Variants in CSMD1 observed in about 807,000 individuals in gnomAD.
CSMD1 encodes CUB and Sushi multiple domains 1.
In CSMD1, 213 loss-of-function variants were observed where a neutral mutation model predicts 417.5. The observed-to-expected ratio is 0.51, with a 90% CI of 0.46 to 0.57. The LOEUF is 0.57. Ranked by LOEUF, CSMD1 falls within the 20% of genes least tolerant of loss-of-function variation. The probability of loss-of-function intolerance (pLI) is 0.00; values close to 1 mark genes in which losing one functional copy is unlikely to be tolerated. For missense variants in CSMD1, 6,923 were observed against 4,529.7 expected, an observed-to-expected ratio of 1.53 and a Z score of -15.17; for synonymous variants, 2,862 against 1,736.8, an observed-to-expected ratio of 1.65 and a Z score of -16.11.
intron 3 of CSMD1, among the ~76,000 whole-genome samples, chr8:4,135,085 A>C (rs1803335314): frequency 6.6e-6 from 1 of 152,140 alleles, no homozygotes; most frequent in Non-Finnish European, 1.5e-5. Flanking sequence ...GAATGAAAAA[A>C]AATTCTTCCA....
At chr8:3,129,484 A>G (rs1382960782) in intron 41 of CSMD1, among the ~76,000 whole-genome samples, 2 of 152,096 alleles carry the variant, frequency 1.3e-5, no homozygotes, top group East Asian at 1.9e-4. Context: ...ACAAAAAACT[A>G]TGGAGCTGGG....
At chr8:3,744,637 A>C (rs1312261018) in intron 6 of CSMD1, among the ~76,000 whole-genome samples, 2 of 152,224 alleles carry the variant, frequency 1.3e-5, no homozygotes, top group African/African-American at 4.8e-5. Context: ...GTAATGCTTC[A>C]AGTTCCAAAG....
At chr8:3,285,562 T>C (rs567738312) in intron 25 of CSMD1, among the ~76,000 whole-genome samples, 1 of 151,964 alleles carries the variant, frequency 6.6e-6, no homozygotes, top group East Asian at 1.9e-4. Flanking sequence ...ATTATTAGTA[T>C]TATTATTTGT....
intron 18 of CSMD1, among the ~76,000 whole-genome samples, chr8:3,377,310 C>A (rs749337078): frequency 6.6e-6 from 1 of 152,144 alleles, no homozygotes; most frequent in Non-Finnish European, 1.5e-5. Context: ...CCATGCCTGG[C>A]TTATTAATAG....
rs1563213930 is a variant in CSMD1, at chr8:2,992,195, AC to A, written c.8377+5815del. Among the ~76,000 whole-genome samples, 10 of 89,720 alleles carry A rather than the reference AC, an allele frequency of 1.1e-4. No homozygotes were observed. In the African/African-American group the frequency reaches 1.2e-3, roughly 11 times the overall value. 58.9% of individuals were successfully genotyped at this position (89,720 alleles called of 152,430 possible). A position where few individuals can be genotyped will look rare whatever the true frequency, so the allele number is the denominator to read the frequency against. On this transcript the variant is annotated intron_variant, in intron 54 of 69. Transcript: ENST00000635120. ...CACACACATGAACACACACATGCAC[AC>A]ATACATACACACATGCACACACACA...
chr8:3,455,691 A>G (rs1490481890), intron 12 of CSMD1, among the ~76,000 whole-genome samples: 2 of 152,216 alleles, frequency 1.3e-5, no homozygotes, highest in African/African-American at 4.8e-5. Flanking sequence ...TCAGAGGAGT[A>G]CCTGGCCATC....
intron 33 of CSMD1, among the ~76,000 whole-genome samples, chr8:3,192,107 A>G (rs1413365190): frequency 1.3e-5 from 2 of 152,184 alleles, no homozygotes; most frequent in Non-Finnish European, 2.9e-5. Context: ...ATTTTGATTA[A>G]ACGATGTTTC....
At chr8:4,578,715 G>A (rs113068074) in intron 2 of CSMD1, among the ~76,000 whole-genome samples, 2 of 149,248 alleles carry the variant, frequency 1.3e-5, no homozygotes, top group African/African-American at 2.5e-5. Flanking sequence ...TCAAGAGGCT[G>A]AGGCAAGATA....
chr8:3,015,279 T>G (rs1808739887), intron 52 of CSMD1, among the ~76,000 whole-genome samples: 1 of 152,312 alleles, frequency 6.6e-6, no homozygotes, highest in African/African-American at 2.4e-5. Flanking sequence ...TTGCATTCTC[T>G]TCAACATGTC....
chr8:3,166,079 T>C (rs1016616644), intron 37 of CSMD1, among the ~76,000 whole-genome samples: 1 of 152,008 alleles, frequency 6.6e-6, no homozygotes, highest in Non-Finnish European at 1.5e-5. Flanking sequence ...TGATAGGAAG[T>C]AGGCAGGGTG....
chr8:3,545,953 G>C (rs144729490), intron 10 of CSMD1, among the ~76,000 whole-genome samples: 2 of 152,168 alleles, frequency 1.3e-5, no homozygotes, highest in African/African-American at 4.8e-5. Context: ...GGAGAAACTG[G>C]AAAGGTTTAG....
At chr8:3,412,359 C>T (rs892485361) in intron 12 of CSMD1, among the ~76,000 whole-genome samples, 7 of 151,880 alleles carry the variant, frequency 4.6e-5, no homozygotes, top group Non-Finnish European at 8.8e-5. Flanking sequence ...TCAGTTTTGG[C>T]AATGTTTGTA....
chr8:4,602,578 C>A (rs1013437894), intron 2 of CSMD1, among the ~76,000 whole-genome samples: 3 of 152,204 alleles, frequency 2.0e-5, no homozygotes, highest in South Asian at 2.1e-4. Flanking sequence ...AACTCTTTAA[C>A]GTGCCTACAA....
chr8:3,556,415 T>TATATATATATATATACATA (rs1799148435), intron 10 of CSMD1, among the ~76,000 whole-genome samples: 2 of 57,102 alleles, frequency 3.5e-5, no homozygotes, highest in African/African-American at 1.2e-4. Flanking sequence ...ATATATATAT[T>TATATATATATATATACATA]CACACACACA....
intron 1 of CSMD1, among the ~76,000 whole-genome samples, chr8:4,803,081 A>G (rs949129915): frequency 1.3e-5 from 2 of 152,200 alleles, no homozygotes; most frequent in South Asian, 2.1e-4. Context: ...GTGTTACAGA[A>G]AAGTACAATT....
intron 10 of CSMD1, among the ~76,000 whole-genome samples, chr8:3,529,095 T>G (rs898705633): frequency 3.3e-5 from 5 of 152,196 alleles, no homozygotes; most frequent in Admixed American, 3.3e-4. Flanking sequence ...ATATACCGAC[T>G]TCTTTGAAAA....
chr8:3,215,097 A>T (rs932456163), intron 29 of CSMD1, among the ~76,000 whole-genome samples: 2 of 152,218 alleles, frequency 1.3e-5, no homozygotes, highest in African/African-American at 2.4e-5. Context: ...ATATTAACAT[A>T]AAATCATTCC....
At chr8:3,795,458 G>T (rs1197851406) in intron 5 of CSMD1, among the ~76,000 whole-genome samples, 1 of 16,750 alleles carries the variant, frequency 6.0e-5, no homozygotes, top group Non-Finnish European at 1.1e-4. Context: ...CATAGATATA[G>T]ATATATATCT....
At chr8:4,665,289 T>C (rs1440488667) in intron 1 of CSMD1, among the ~76,000 whole-genome samples, 1 of 152,218 alleles carries the variant, frequency 6.6e-6, no homozygotes, top group Admixed American at 6.5e-5. Flanking sequence ...TTCTCTCAGA[T>C]TGGCCTTCCT....
Sources: gnomAD v4.1 joint callset for allele counts (sites outside exome capture counted in the v4.1 genomes callset) on GRCh38, gnomAD v4.1.1 for gene constraint, MANE v1.5 for transcripts, NCBI Gene and HGNC (gene_info 2026-07-23, HGNC 2026-07-21) for gene names.